Variants in CSGALNACT1 observed in about 807,000 individuals in gnomAD.
The protein encoded by CSGALNACT1 is beta4GalNAcT-1.
In CSGALNACT1, 52 loss-of-function variants were observed where a neutral mutation model predicts 51.0. That is an observed-to-expected ratio of 1.02 (90% confidence interval 0.82 to 1.29). CSGALNACT1 has a LOEUF of 1.29. Among genes scored for constraint, CSGALNACT1 ranks in the 50% most tolerant of loss-of-function variants. The pLI, the probability that CSGALNACT1 is intolerant of heterozygous loss-of-function variation, is 0.00. For missense variants in CSGALNACT1, 935 were observed against 679.2 expected (o/e 1.38, Z -4.19); for synonymous variants, 341 against 254.4 (o/e 1.34, Z -3.24).
At chr8:19,755,456 C>CAAAAAAAAAAAAAGAAAAAAAAAAA (rs2065301153) in intron 1 of CSGALNACT1, among the ~76,000 whole-genome samples, 1 of 74,532 alleles carries the variant, frequency 1.3e-5, no homozygotes, top group East Asian at 5.8e-4. Context: ...TAAAGAAAGA[C>CAAAAAAAAAAAAAGAAAAAAAAAAA]AAAAAAAAAA....
rs138370671 is a variant in CSGALNACT1 at position 19,586,195 on chromosome 8, T to A, written c.-297+4965A>T. ...CTGGCCAACATAGCAAAACCCCGTC[T>A]CTACTAAAAACACAAAAATTATCCG... On this transcript the variant is annotated intron_variant, in intron 3 of 9. Transcript: ENST00000454498. Among the ~76,000 whole-genome samples the A allele has an allele frequency of 3.9e-3, 600 of 152,076 alleles. 1 individual carries two copies. Among genetic ancestry groups the A allele is most frequent in the Non-Finnish European group, 6.6e-3 (446 of 67,980 alleles).
intron 1 of CSGALNACT1, among the ~76,000 whole-genome samples, chr8:19,674,945 C>T (rs1247092619): frequency 6.6e-6 from 1 of 152,168 alleles, no homozygotes; most frequent in Non-Finnish European, 1.5e-5. Flanking sequence ...CATTGCCCAT[C>T]TTGAAGTCGG....
chr8:19,464,296 A>G (rs934009652), intron 4 of CSGALNACT1, among the ~76,000 whole-genome samples: 2 of 152,018 alleles, frequency 1.3e-5, no homozygotes, highest in African/African-American at 4.8e-5. Flanking sequence ...GGTCCCACAC[A>G]TATATATTTT....
intron 3 of CSGALNACT1, among the ~76,000 whole-genome samples, chr8:19,506,591 AGGTGGGGCCT>A (rs2077375885): frequency 6.6e-6 from 1 of 152,100 alleles, no homozygotes; most frequent in Non-Finnish European, 1.5e-5. Flanking sequence ...CAGTGTTGGG[AGGTGGGGCCT>A]GGTGGGAAGT....
At chr8:19,714,190 T>C (rs1385290688) in intron 1 of CSGALNACT1, among the ~76,000 whole-genome samples, 1 of 152,250 alleles carries the variant, frequency 6.6e-6, no homozygotes, top group Non-Finnish European at 1.5e-5. Flanking sequence ...TTCAAACTTT[T>C]GTTGTCTGCT....
At chr8:19,735,889 C>A (rs1162438442) in intron 1 of CSGALNACT1, among the ~76,000 whole-genome samples, 2 of 152,040 alleles carry the variant, frequency 1.3e-5, no homozygotes, top group Non-Finnish European at 2.9e-5. Flanking sequence ...AAATATATAG[C>A]ATAGAAAAAA....
chr8:19,450,003 A>G (rs1189486529), intron 5 of CSGALNACT1, among the ~76,000 whole-genome samples: 1 of 147,838 alleles, frequency 6.8e-6, no homozygotes, highest in Non-Finnish European at 1.5e-5. Context: ...GTAAGAAACA[A>G]AGCAGCCGAA....
chr8:19,551,474 G>C (rs1427821107), intron 3 of CSGALNACT1, among the ~76,000 whole-genome samples: 2 of 152,110 alleles, frequency 1.3e-5, no homozygotes, highest in African/African-American at 4.8e-5. Context: ...AAGTCAGTAG[G>C]GTGAGACAGA....
intron 1 of CSGALNACT1, among the ~76,000 whole-genome samples, chr8:19,720,823 T>C (rs1371928197): frequency 6.6e-6 from 1 of 152,112 alleles, no homozygotes; most frequent in African/African-American, 2.4e-5. Context: ...AGGGTTTTGG[T>C]TGCATGTTTT....
intron 1 of CSGALNACT1, among the ~76,000 whole-genome samples, chr8:19,675,553 C>T (rs1000068002): frequency 3.3e-5 from 5 of 152,108 alleles, no homozygotes; most frequent in Non-Finnish European, 5.9e-5. Flanking sequence ...AGTACAGTGG[C>T]GCGATCTTGG....
intron 1 of CSGALNACT1, among the ~76,000 whole-genome samples, chr8:19,734,640 C>G (rs150143949): frequency 5.9e-5 from 9 of 152,248 alleles, no homozygotes; most frequent in African/African-American, 2.2e-4. Context: ...TTCTGAAGTA[C>G]TCTTCTCTTC....
chr8:19,604,376 C>G (rs1410235392), upstream of CSGALNACT1, among the ~76,000 whole-genome samples: 1 of 152,222 alleles, frequency 6.6e-6, no homozygotes, highest in Non-Finnish European at 1.5e-5. Context: ...CTATGTTACA[C>G]ATGAACTCAT....
Position 19,422,503 on chromosome 8 carries a change from A to G in CSGALNACT1, c.954-1985T>C, listed in dbSNP as rs2058104835. On this transcript the variant is annotated intron_variant, in intron 6 of 9. Transcript: ENST00000454498. ...TGGACAAGACTCTATTTTTCCTATG[A>G]TCCTGCATTCACTTCAGCACCACTC... is the stretch of plus-strand genomic sequence containing the variant. Among the ~76,000 whole-genome samples the G allele has an allele frequency of 2.0e-5, 3 of 152,142 alleles. No individual in the cohort carries two copies. In the South Asian group the frequency reaches 6.2e-4, roughly 31 times the overall value.
chr8:19,655,297 T>C (rs1241017260), intron 1 of CSGALNACT1, among the ~76,000 whole-genome samples: 1 of 152,098 alleles, frequency 6.6e-6, no homozygotes, highest in African/African-American at 2.4e-5. Flanking sequence ...AAGAGAAGGC[T>C]CTTACCCACT....
exon 9 of CSGALNACT1, chr8:19,408,655 A>C: frequency 3.1e-6 from 5 of 1,613,688 alleles, no homozygotes; most frequent in Non-Finnish European, 4.2e-6. Flanking sequence ...GTCATCCCAA[A>C]TCCAAAGTCT....
chr8:19,595,554 C>A (rs993982553), intron 2 of CSGALNACT1, among the ~76,000 whole-genome samples: 1 of 151,834 alleles, frequency 6.6e-6, no homozygotes, highest in African/African-American at 2.4e-5. Flanking sequence ...TAGATATGTG[C>A]CCAGTGGAAG....
At chr8:19,419,141 C>T (rs967501282) in intron 7 of CSGALNACT1, among the ~76,000 whole-genome samples, 12 of 152,252 alleles carry the variant, frequency 7.9e-5, no homozygotes, top group African/African-American at 2.2e-4. Context: ...CCACTGCGCC[C>T]GGCCTGCAGC....
At chr8:19,638,054 G>T (rs2056307195) in intron 1 of CSGALNACT1, among the ~76,000 whole-genome samples, 1 of 151,438 alleles carries the variant, frequency 6.6e-6, no homozygotes, top group Admixed American at 6.6e-5. Flanking sequence ...TTCGATGAAG[G>T]TATAGAAAAA....
chr8:19,419,928 C>G (rs946353259), intron 7 of CSGALNACT1, among the ~76,000 whole-genome samples: 1 of 152,178 alleles, frequency 6.6e-6, no homozygotes, highest in Non-Finnish European at 1.5e-5. Context: ...TGGGAGGTAA[C>G]TGAATGATGG....
Sources: allele counts gnomAD v4.1 joint callset (sites outside exome capture counted in the v4.1 genomes callset), GRCh38; gene constraint gnomAD v4.1.1; transcripts MANE v1.5; gene names NCBI Gene and HGNC (gene_info 2026-07-23, HGNC 2026-07-21).